Variants in PTPRZ1 observed in about 807,000 individuals in gnomAD.
The protein encoded by PTPRZ1 is receptor-type tyrosine-protein phosphatase zeta.
In PTPRZ1, 82 loss-of-function variants were observed where a neutral mutation model predicts 214.1. The ratio of observed to expected loss-of-function variants is 0.38; its 90% CI spans 0.32 to 0.46. The LOEUF is 0.46. Among genes scored for constraint, PTPRZ1 ranks in the 20% least tolerant of loss-of-function variants. The pLI, the probability that PTPRZ1 is intolerant of heterozygous loss-of-function variation, is 1.00. For missense variants in PTPRZ1, 2,603 were observed against 2,748.7 expected, an observed-to-expected ratio of 0.95 and a Z score of 1.19; for synonymous variants, 945 against 987.9, an observed-to-expected ratio of 0.96 and a Z score of 0.81.
intron 11 of PTPRZ1, among the ~76,000 whole-genome samples, chr7:122,005,416 TG>T (rs910724323): frequency 6.6e-6 from 1 of 151,946 alleles, no homozygotes; most frequent in Non-Finnish European, 1.5e-5. Flanking sequence ...GTGTAGGAGC[TG>T]ATAAAAGTGT....
At chr7:122,014,026 G>T in intron 12 of PTPRZ1, 137 bp downstream of exon 12, 1 of 692,170 alleles carries the variant, frequency 1.4e-6, no homozygotes, top group Non-Finnish European at 2.3e-6. Context: ...CAACAAATCA[G>T]TCTCCAGTTT....
At chr7:121,998,923 G>A (rs1798232086) in intron 10 of PTPRZ1, among the ~76,000 whole-genome samples, 1 of 152,070 alleles carries the variant, frequency 6.6e-6, no homozygotes, top group Non-Finnish European at 1.5e-5. Context: ...TTTTACCTAT[G>A]GCAGGAAAAC....
At position 121,877,258 on chromosome 7, in the gene PTPRZ1, C is replaced by T. The variant is rs74755096; in HGVS notation, c.58+3701C>T. On this transcript the variant is annotated intron_variant, in intron 1 of 29. Transcript: ENST00000393386. The stretch of plus-strand genomic sequence containing the variant: ...AGATAAGTTGCCTAACATCACAAAT[C>T]CTGATTCAGCCTGTGTATTCCTTCC... Among the ~76,000 whole-genome samples, 945 of 152,278 alleles carry T rather than the reference C, an allele frequency of 6.2e-3. 4 individuals are homozygous for T. The highest frequency in any genetic ancestry group is 0.011 in the Non-Finnish European group (728 of 68,016).
At chr7:121,969,893 C>G (rs1458572086) in intron 3 of PTPRZ1, among the ~76,000 whole-genome samples, 11 of 151,394 alleles carry the variant, frequency 7.3e-5, no homozygotes, top group Non-Finnish European at 2.9e-5. Context: ...TGTTGGTGTG[C>G]TGCACCCATT....
At chr7:122,044,313 C>T (rs1259599816) in intron 22 of PTPRZ1, 109 bp from the exon 23 acceptor site, 17 of 1,298,960 alleles carry the variant, frequency 1.3e-5, no homozygotes, top group Non-Finnish European at 1.7e-5. Flanking sequence ...TGGGTCTTCC[C>T]CCATTCTGTA....
At position 121,902,498 on chromosome 7, in the gene PTPRZ1, C is replaced by T. The variant is rs114301447; in HGVS notation, c.59-25658C>T. On this transcript the variant is annotated intron_variant, in intron 1 of 29. Coordinates refer to ENST00000393386, the MANE Select transcript of PTPRZ1 (RefSeq NM_002851.3). ...CCATTGACAGGGAATAAGAGTTCTC[C>T]TTTCTTTATATCCTCACCAGCATTT... is the stretch of plus-strand genomic sequence containing the variant. Among the ~76,000 whole-genome samples, 717 of 152,140 alleles carry T rather than the reference C, an allele frequency of 4.7e-3. 6 individuals carry two copies. Among genetic ancestry groups the T allele is most frequent in the African/African-American group, 0.017 (689 of 41,514 alleles).
chr7:121,899,062 C>A (rs1372275676), intron 1 of PTPRZ1, among the ~76,000 whole-genome samples: 1 of 152,082 alleles, frequency 6.6e-6, no homozygotes, highest in African/African-American at 2.4e-5. Context: ...TCACTGCTTT[C>A]TTTTCCATCT....
intron 17 of PTPRZ1, among the ~76,000 whole-genome samples, chr7:122,035,551 T>C (rs1799510768): frequency 6.6e-6 from 1 of 152,162 alleles, no homozygotes; most frequent in Non-Finnish European, 1.5e-5. Flanking sequence ...CCAGGCAAGA[T>C]AGGAAATTGT....
chr7:121,976,364 A>AACTAATTTTAC, intron 5 of PTPRZ1, 96 bp downstream of exon 5: 1 of 777,384 alleles, frequency 1.3e-6, no homozygotes, highest in East Asian at 2.7e-5. Context: ...CAAAGAGAGG[A>AACTAATTTTAC]GCTCACAAGT....
At chr7:121,994,285 A>ATT (rs1269431586) in intron 8 of PTPRZ1, among the ~76,000 whole-genome samples, 27 of 49,828 alleles carry the variant, frequency 5.4e-4, no homozygotes, top group South Asian at 7.2e-4. Flanking sequence ...AAATTAATGC[A>ATT]TTTCTTTTTT....
chr7:121,928,686 G>A lies in PTPRZ1; in HGVS notation c.124+465G>A, dbSNP rs570913977. On this transcript the variant is annotated intron_variant, in intron 2 of 29. Transcript: ENST00000393386. Reference sequence around the variant, plus strand: ...TTTAACAAATATTGATGGGATTCTTGCTCTCAGAAGGGGCATTCTTCTGAA... The same window carrying A: ...TTTAACAAATATTGATGGGATTCTTACTCTCAGAAGGGGCATTCTTCTGAA... Among the ~76,000 whole-genome samples the A allele has an allele frequency of 5.3e-5, 8 of 152,274 alleles. 1 individual carries two copies. The South Asian group carries it at 1.7e-3, about 32-fold the overall frequency.
intron 8 of PTPRZ1, among the ~76,000 whole-genome samples, chr7:121,993,572 CAAAAAAAAAAA>C (rs66916301): frequency 3.0e-4 from 22 of 73,608 alleles, no homozygotes; most frequent in Non-Finnish European, 5.1e-5. Flanking sequence ...GAGACTGTCT[CAAAAAAAAAAA>C]AAAAAAAAAA....
intron 23 of PTPRZ1, among the ~76,000 whole-genome samples, chr7:122,047,166 T>C (rs994439410): frequency 2.0e-5 from 3 of 152,202 alleles, no homozygotes; most frequent in African/African-American, 7.2e-5. Flanking sequence ...CAGAAGTCAT[T>C]GATGACCTTT....
intron 2 of PTPRZ1, among the ~76,000 whole-genome samples, chr7:121,934,487 CAAAAAAAAAAA>C (rs529475632): frequency 1.3e-3 from 103 of 77,056 alleles, no homozygotes; most frequent in African/African-American, 4.9e-3. Flanking sequence ...GACTCCGTCT[CAAAAAAAAAAA>C]AAAAAAAAAA....
intron 14 of PTPRZ1, among the ~76,000 whole-genome samples, chr7:122,029,498 C>T (rs1799309415): frequency 6.6e-6 from 1 of 151,826 alleles, no homozygotes; most frequent in Admixed American, 6.6e-5. Context: ...ATTGTGTGAT[C>T]TGGGAAATAG....
chr7:122,021,345 A>G (rs561045382), intron 13 of PTPRZ1, among the ~76,000 whole-genome samples: 6 of 152,300 alleles, frequency 3.9e-5, no homozygotes, highest in African/African-American at 1.4e-4. Flanking sequence ...CCAGTCAAAA[A>G]TATATTAATT....
intron 10 of PTPRZ1, among the ~76,000 whole-genome samples, chr7:121,999,234 T>C (rs938970212): frequency 2.0e-5 from 3 of 152,222 alleles, no homozygotes; most frequent in African/African-American, 7.2e-5. Context: ...ATGGCCTGGG[T>C]ATAATCATCT....
chr7:121,998,004 C>A lies in PTPRZ1; in HGVS notation c.1238C>A (p.Pro413His). The change falls in exon 10 of 30, where the codon CCT becomes CAT. Residue 413 changes from proline to histidine, a missense_variant and splice_region_variant. Pro to His is a moderately conservative substitution (Grantham distance 77, BLOSUM62 -2). Transcript: ENST00000393386. Reference protein sequence around the residue: ...QLIVDMPTDNPELDLFPELIG... With the variant: ...QLIVDMPTDNHELDLFPELIG... ...ATTGTCGACATGCCTACTGATAATC[C>A]TGGTAAGTGCCACCAGATACATCTA... 6.2e-7 allele frequency: 1 copy of A among 1,612,118 alleles called. No individual in the cohort carries two copies. The highest frequency in any genetic ancestry group is 8.5e-7 in the Non-Finnish European group (1 of 1,179,312).
At chr7:122,026,663 C>T (rs1333504883) in intron 13 of PTPRZ1, among the ~76,000 whole-genome samples, 1 of 152,144 alleles carries the variant, frequency 6.6e-6, no homozygotes, top group Non-Finnish European at 1.5e-5. Context: ...ATCCACTCAC[C>T]TTTCTCTTAT....
Sources: allele counts gnomAD v4.1 joint callset (sites outside exome capture counted in the v4.1 genomes callset), GRCh38; gene constraint gnomAD v4.1.1; transcripts MANE v1.5; gene names NCBI Gene and HGNC (gene_info 2026-07-23, HGNC 2026-07-21).